SLC24A3: variants seen among roughly 807,000 people sequenced by gnomAD.
SLC24A3 encodes sodium/potassium/calcium exchanger 3.
Under a neutral mutation model 75.8 loss-of-function variants are expected in SLC24A3, and 28 were observed. The ratio of observed to expected loss-of-function variants is 0.37; its 90% confidence interval spans 0.27 to 0.51. The LOEUF is 0.51. Among genes scored for constraint, SLC24A3 ranks in the 20% least tolerant of loss-of-function variants. The pLI is 0.94. For missense variants in SLC24A3, 663 were observed against 847.8 expected (o/e 0.78, Z 2.71); for synonymous variants, 372 against 334.1 (o/e 1.11, Z -1.24).
In SLC24A3 at chr20:19,563,498, C is replaced by T. The variant is rs533312032; in HGVS notation, c.349-16502C>T. On this transcript the variant is annotated intron_variant, in intron 3 of 16. Coordinates refer to ENST00000328041, the MANE Select transcript of SLC24A3 (RefSeq NM_020689.4). Reference sequence around the variant, plus strand: ...TTAGTAAGAGGCTTATTTCTATACACACTTTTTTATTAATAGAAGATTAGT... The same window carrying T: ...TTAGTAAGAGGCTTATTTCTATACATACTTTTTTATTAATAGAAGATTAGT... 3.3e-5 allele frequency among the ~76,000 whole-genome samples: 5 copies of T among 152,276 alleles called. No homozygotes were observed. The East Asian group carries it at 7.7e-4, about 23-fold the overall frequency.
chr20:19,718,512 T>C (rs1450742601), intron 16 of SLC24A3, among the ~76,000 whole-genome samples: 4 of 152,212 alleles, frequency 2.6e-5, no homozygotes, highest in Non-Finnish European at 4.4e-5. Flanking sequence ...CAACCTATTA[T>C]ACAAATGAGC....
intron 2 of SLC24A3, among the ~76,000 whole-genome samples, chr20:19,465,536 G>A (rs1468118974): frequency 1.3e-5 from 2 of 152,144 alleles, no homozygotes; most frequent in East Asian, 1.9e-4. Flanking sequence ...AACCAGAGTT[G>A]ATGATGTGCC....
rs2032618205 is a variant in SLC24A3 at position 19,681,789 on chromosome 20, T to A, written c.768-69T>A. On this transcript the variant is annotated intron_variant, in intron 9 of 16. Coordinates refer to ENST00000328041, the MANE Select transcript of SLC24A3 (RefSeq NM_020689.4). ...AGACTGGGAGAGCTCTCAGAAGCAC[T>A]TGGTGGGAGTTGAGAAATGGGAGAA... The A allele has an allele frequency of 2.5e-6, 4 of 1,609,044 alleles. No individual in the cohort carries two copies. In the South Asian group the frequency reaches 4.4e-5, roughly 18 times the overall value.
chr20:19,566,914 A>G (rs959199257), intron 3 of SLC24A3, among the ~76,000 whole-genome samples: 9 of 152,228 alleles, frequency 5.9e-5, no homozygotes, highest in Non-Finnish European at 8.8e-5. Flanking sequence ...AAAATGCTCA[A>G]CATCACTACT....
chr20:19,661,401 T>C (rs1239744229), intron 7 of SLC24A3, among the ~76,000 whole-genome samples: 1 of 152,158 alleles, frequency 6.6e-6, no homozygotes, highest in Non-Finnish European at 1.5e-5. Flanking sequence ...TGTATTCCAC[T>C]GGATCCCTCT....
At chr20:19,333,445 G>A (rs891577460) in intron 2 of SLC24A3, among the ~76,000 whole-genome samples, 2 of 152,166 alleles carry the variant, frequency 1.3e-5, no homozygotes, top group African/African-American at 4.8e-5. Flanking sequence ...GACAGATTTG[G>A]CCTGTTGCAA....
chr20:19,514,435 C>T, intron 2 of SLC24A3, among the ~76,000 whole-genome samples: 1 of 152,134 alleles, frequency 6.6e-6, no homozygotes, highest in East Asian at 1.9e-4. Context: ...GTGGTGGTTT[C>T]TCTAAGAACT....
intron 2 of SLC24A3, among the ~76,000 whole-genome samples, chr20:19,335,562 G>A (rs1985112377): frequency 6.6e-6 from 1 of 152,194 alleles, no homozygotes; most frequent in South Asian, 2.1e-4. Context: ...AAATATTGTT[G>A]CAAGGGGGTT....
chr20:19,543,132 T>A (rs2030530030), intron 3 of SLC24A3, among the ~76,000 whole-genome samples: 1 of 152,136 alleles, frequency 6.6e-6, no homozygotes, highest in Non-Finnish European at 1.5e-5. Flanking sequence ...CATCTCACTG[T>A]CCCCATTATA....
At chr20:19,404,583 G>T (rs191839787) in intron 2 of SLC24A3, among the ~76,000 whole-genome samples, 1 of 152,176 alleles carries the variant, frequency 6.6e-6, no homozygotes, top group Non-Finnish European at 1.5e-5. Context: ...TTGTTCAGAC[G>T]CACCTAGCTG....
At chr20:19,448,768 C>T (rs1024182145) in intron 2 of SLC24A3, among the ~76,000 whole-genome samples, 1 of 152,180 alleles carries the variant, frequency 6.6e-6, no homozygotes, top group African/African-American at 2.4e-5. Context: ...TGCCAGTCTT[C>T]CCAGAAAATG....
Position 19,213,059 on chromosome 20 carries a change from C to T in SLC24A3, c.142+75C>T, listed in dbSNP as rs938814426. On this transcript the variant is annotated intron_variant, in intron 1 of 16. Coordinates refer to ENST00000328041, the MANE Select transcript of SLC24A3 (RefSeq NM_020689.4). ...GGGGCTCCCGGGGCTGGGCGCGGGG[C>T]TCCTTCGGGCGGCCCGGCCGGAGCC... 5.4e-5 allele frequency: 61 copies of T among 1,133,046 alleles called. No homozygotes were observed. In the East Asian group the frequency reaches 1.4e-3, roughly 27 times the overall value. The allele number at this position is 1,133,046 out of a possible 1,614,324, so 70.2% of individuals were successfully genotyped here.
At chr20:19,346,754 T>G (rs988596305) in intron 2 of SLC24A3, among the ~76,000 whole-genome samples, 1 of 152,060 alleles carries the variant, frequency 6.6e-6, no homozygotes, top group African/African-American at 2.4e-5. Context: ...ACTGCTCGGG[T>G]GATGGGTGCA....
chr20:19,709,007 G>T (rs1442664211), intron 15 of SLC24A3, among the ~76,000 whole-genome samples: 1 of 152,168 alleles, frequency 6.6e-6, no homozygotes, highest in Admixed American at 6.5e-5. Context: ...AGTTTATTGA[G>T]GGGGAGCAGT....
intron 2 of SLC24A3, among the ~76,000 whole-genome samples, chr20:19,371,222 T>C (rs954227066): frequency 1.3e-5 from 2 of 152,090 alleles, no homozygotes; most frequent in African/African-American, 2.4e-5. Flanking sequence ...AGGGTACATA[T>C]AGGCCAACTG....
intron 2 of SLC24A3, among the ~76,000 whole-genome samples, chr20:19,437,314 C>A (rs548813604): frequency 2.0e-5 from 3 of 152,258 alleles, no homozygotes; most frequent in African/African-American, 7.2e-5. Context: ...GTGAGTCTCA[C>A]AAGATCTGAT....
intron 2 of SLC24A3, among the ~76,000 whole-genome samples, chr20:19,511,823 G>A (rs2029891127): frequency 6.6e-6 from 1 of 152,070 alleles, no homozygotes; most frequent in Non-Finnish European, 1.5e-5. Flanking sequence ...AAAGTGGTCA[G>A]AGTGGGTGGA....
chr20:19,275,986 A>G (rs1023689836), intron 1 of SLC24A3, among the ~76,000 whole-genome samples: 4 of 152,170 alleles, frequency 2.6e-5, no homozygotes, highest in African/African-American at 4.8e-5. Context: ...CAAGAATGCC[A>G]TGGACAGGGG....
At position 19,343,262 on chromosome 20, in the gene SLC24A3, A is replaced by G. The variant is rs58457865; in HGVS notation, c.271+62175A>G. 2.6e-3 allele frequency among the ~76,000 whole-genome samples: 397 copies of G among 152,024 alleles called. 3 individuals carry two copies. Among genetic ancestry groups the G allele is most frequent in the African/African-American group, 9.3e-3 (387 of 41,474 alleles). ...AAGGCAATGTACCACTGAGACTGAGAGCAGTTTGTTTGACCCACACAACCT... is the reference window on the plus strand; with the variant it reads ...AAGGCAATGTACCACTGAGACTGAGGGCAGTTTGTTTGACCCACACAACCT... On this transcript the variant is annotated intron_variant, in intron 2 of 16. Transcript: ENST00000328041.
Sources: allele counts gnomAD v4.1 joint callset (sites outside exome capture counted in the v4.1 genomes callset), GRCh38; gene constraint gnomAD v4.1.1; transcripts MANE v1.5; gene names NCBI Gene and HGNC (gene_info 2026-07-23, HGNC 2026-07-21).